Variants in GPHN observed in about 807,000 individuals in gnomAD.
The protein encoded by GPHN is gephyrin.
A neutral mutation model predicts 95.5 loss-of-function variants in GPHN; 17 were observed. The observed-to-expected ratio is 0.18, with a 90% CI of 0.12 to 0.27. The LOEUF (loss-of-function observed/expected upper bound fraction) is 0.27. Among genes scored for constraint, GPHN ranks in the 10% least tolerant of loss-of-function variants. The pLI is 1.00. For synonymous variants in GPHN, 320 were observed against 322.5 expected (o/e 0.99, Z 0.08); for missense variants, 660 against 978.1 (o/e 0.67, Z 4.34).
chr14:67,505,164 G>A, the GPHN span, among the ~76,000 whole-genome samples: 1 of 152,088 alleles, frequency 6.6e-6, no homozygotes, highest in South Asian at 2.1e-4. Flanking sequence ...TTCAAAAGAG[G>A]TGCGCAAGGG....
the GPHN span, among the ~76,000 whole-genome samples, chr14:67,412,680 CATT>C: frequency 6.6e-6 from 1 of 152,132 alleles, no homozygotes. Flanking sequence ...AAAATTCCAT[CATT>C]AAGGACAAAA....
At chr14:67,578,690 A>T in the GPHN span, 4 of 1,054,462 alleles carry the variant, frequency 3.8e-6, no homozygotes, top group South Asian at 5.4e-5. The surrounding 1 kb of genome is among the most constrained non-coding windows in gnomAD (Gnocchi z 5.0). Context: ...CGCATGAATA[A>T]GAGGGATGAG....
At chr14:67,420,191 A>G in the GPHN span, among the ~76,000 whole-genome samples, 364 of 151,972 alleles carry the variant, frequency 2.4e-3, 2 homozygotes, top group African/African-American at 8.6e-3. Flanking sequence ...AGTCTCTGCC[A>G]CTCCCAGGTG....
At chr14:67,041,212 CT>C (rs1174355101) in intron 10 of GPHN, among the ~76,000 whole-genome samples, 6 of 151,408 alleles carry the variant, frequency 4.0e-5, no homozygotes, top group East Asian at 1.9e-4. Context: ...CAAACACTTT[CT>C]TTTTTTTTAT....
the GPHN span, chr14:67,557,160 C>A: frequency 1.2e-6 from 1 of 819,458 alleles, no homozygotes; most frequent in Non-Finnish European, 2.0e-6. Flanking sequence ...AGGGCTGTGC[C>A]TGGGAGTCAC....
At chr14:67,462,210 G>A in the GPHN span, among the ~76,000 whole-genome samples, 1 of 152,208 alleles carries the variant, frequency 6.6e-6, no homozygotes, top group Non-Finnish European at 1.5e-5. Context: ...TTAAAGATAT[G>A]ATCACAGGTG....
chr14:66,610,201 A>C (rs935747822), intron 1 of GPHN, among the ~76,000 whole-genome samples: 1 of 150,594 alleles, frequency 6.6e-6, no homozygotes, highest in African/African-American at 2.4e-5. Context: ...TATTGGCAGA[A>C]TATTTTTGGT....
At chr14:66,697,184 T>C (rs1445798273) in intron 2 of GPHN, among the ~76,000 whole-genome samples, 2 of 152,224 alleles carry the variant, frequency 1.3e-5, no homozygotes, top group African/African-American at 4.8e-5. Context: ...AGGCATTTTA[T>C]AGTTAATCTA....
chr14:66,782,141 A>G (rs1348041057), intron 3 of GPHN, among the ~76,000 whole-genome samples: 1 of 152,204 alleles, frequency 6.6e-6, no homozygotes, highest in Non-Finnish European at 1.5e-5. Context: ...CCTGAGGGAT[A>G]ATTCTTAATG....
chr14:67,713,751 C>G, the GPHN span, among the ~76,000 whole-genome samples: 1 of 151,944 alleles, frequency 6.6e-6, no homozygotes, highest in Non-Finnish European at 1.5e-5. Context: ...CCAGGATGGT[C>G]AGAGCACAGT....
At chr14:67,287,743 A>G in the GPHN span, among the ~76,000 whole-genome samples, 3 of 152,256 alleles carry the variant, frequency 2.0e-5, no homozygotes, top group African/African-American at 7.2e-5. Context: ...AACAACATTT[A>G]CAGTGTCATC....
intron 3 of GPHN, among the ~76,000 whole-genome samples, chr14:66,803,003 C>A (rs2060415444): frequency 6.6e-6 from 1 of 152,150 alleles, no homozygotes; most frequent in African/African-American, 2.4e-5. Flanking sequence ...TCAGTGGACC[C>A]TGTTCAGCCC....
At chr14:66,844,933 A>G (rs2062255391) in intron 4 of GPHN, among the ~76,000 whole-genome samples, 1 of 152,142 alleles carries the variant, frequency 6.6e-6, no homozygotes, top group Non-Finnish European at 1.5e-5. Context: ...GTCTTTATAA[A>G]TTTGCCTGTT....
chr14:66,992,421 A>T lies in GPHN; in HGVS notation c.963+27096A>T, dbSNP rs549298537. Reference sequence around the variant, plus strand: ...CACCCAAAATAAGACTACCTTTTTAATAAGTGTTAAGAAAAATACCTGAAT... The same window carrying T: ...CACCCAAAATAAGACTACCTTTTTATTAAGTGTTAAGAAAAATACCTGAAT... On this transcript the variant is annotated intron_variant, in intron 9 of 22. Transcript: ENST00000478722. Among the ~76,000 whole-genome samples the T allele has an allele frequency of 9.2e-5, 14 of 152,322 alleles. 1 individual carries two copies. The South Asian group carries it at 2.5e-3, about 27-fold the overall frequency.
intron 11 of GPHN, among the ~76,000 whole-genome samples, chr14:67,064,844 C>G (rs2153653339): frequency 6.6e-6 from 1 of 152,246 alleles, no homozygotes; most frequent in East Asian, 1.9e-4. Flanking sequence ...ATTAGTCATG[C>G]TAGCGGTCTA....
the GPHN span, among the ~76,000 whole-genome samples, chr14:67,603,431 A>C: frequency 2.0e-5 from 3 of 152,118 alleles, no homozygotes; most frequent in African/African-American, 7.2e-5. Context: ...ACTTTACTTA[A>C]TTTTTTAAAA....
the GPHN span, among the ~76,000 whole-genome samples, chr14:67,596,295 A>ATTT: frequency 0.056 from 3,379 of 60,136 alleles, 571 homozygotes; most frequent in African/African-American, 0.17. Context: ...CGCCCAGCTA[A>ATTT]TTTTTTTTTT....
At chr14:67,203,344 C>A in the GPHN span, 1 of 1,415,524 alleles carries the variant, frequency 7.1e-7, no homozygotes, top group Non-Finnish European at 9.5e-7. Context: ...TGTGCATTAG[C>A]CCTGTGGATC....
intron 3 of GPHN, among the ~76,000 whole-genome samples, chr14:66,819,396 G>A (rs1289383138): frequency 1.3e-5 from 2 of 152,020 alleles, no homozygotes; most frequent in Admixed American, 1.3e-4. Flanking sequence ...TAAGTGTGTG[G>A]TCTTATTTCT....
Sources: gnomAD v4.1 joint callset for allele counts (sites outside exome capture counted in the v4.1 genomes callset) on GRCh38, gnomAD v4.1.1 for gene constraint, Gnocchi (gnomAD v3.1) non-coding constraint, MANE v1.5 for transcripts, NCBI Gene and HGNC (gene_info 2026-07-23, HGNC 2026-07-21) for gene names.